Variants in NT5DC3 observed in about 807,000 individuals in gnomAD.
NT5DC3 encodes the protein 5'-nucleotidase domain containing 3, also known as 5'-nucleotidase domain-containing protein 3.
NT5DC3 carries 42 observed loss-of-function variants against 67.8 expected under a neutral mutation model. The ratio of observed to expected loss-of-function variants is 0.62; its 90% CI spans 0.48 to 0.80. The LOEUF is 0.80. Among genes scored for constraint, NT5DC3 ranks in the 30% least tolerant of loss-of-function variants. The pLI is 0.00. For missense variants in NT5DC3, 570 were observed against 696.4 expected (o/e 0.82, Z 2.04); for synonymous variants, 237 against 255.6 (o/e 0.93, Z 0.69).
At chr12:103,770,103 G>A (rs992365716), downstream of NT5DC3, among the ~76,000 whole-genome samples, 1 of 152,146 alleles carries the variant, frequency 6.6e-6, no homozygotes, top group Non-Finnish European at 1.5e-5. Context: ...TAGAAAACAT[G>A]GCCTATCCTC....
chr12:103,780,340 G>A lies in NT5DC3; in HGVS notation c.1354C>T (p.Leu452=), dbSNP rs1344722631. The A allele has an allele frequency of 6.2e-7, 1 of 1,613,964 alleles. No homozygotes were observed. Among genetic ancestry groups the A allele is most frequent in the Non-Finnish European group, 8.5e-7 (1 of 1,179,984 alleles). ...MQVHRDAESQ[L]VLQEWKKERK... ...TCCTTTTTCCACTCCTGCAAAACCAGCTGTGACTCAGCATCTCTGTGAACC... is the reference window on the plus strand; with the variant it reads ...TCCTTTTTCCACTCCTGCAAAACCAACTGTGACTCAGCATCTCTGTGAACC... Residue 452 remains leucine, a synonymous_variant, in exon 13 of 14, where the codon CTG becomes TTG. Transcript: ENST00000392876.
At chr12:103,765,633 G>T (rs1351736346), downstream of NT5DC3, among the ~76,000 whole-genome samples, 1 of 152,112 alleles carries the variant, frequency 6.6e-6, no homozygotes, top group African/African-American at 2.4e-5. Context: ...GCACCATCAG[G>T]GCTCACTGCA....
the NT5DC3 span, chr12:103,746,486 G>A: frequency 1.1e-6 from 1 of 922,862 alleles, no homozygotes; most frequent in South Asian, 1.4e-5. Context: ...GCTGTACAGG[G>A]GCACTTATGA....
intron 2 of NT5DC3, 140 bp downstream of exon 2, chr12:103,814,797 G>T (rs1463024722): frequency 3.4e-6 from 2 of 592,954 alleles, no homozygotes; most frequent in East Asian, 6.0e-5. Context: ...GAGTTACTTG[G>T]AAGGGAACAA....
At chr12:103,838,994 C>T (rs890153714) in intron 1 of NT5DC3, among the ~76,000 whole-genome samples, 1 of 152,066 alleles carries the variant, frequency 6.6e-6, no homozygotes, top group African/African-American at 2.4e-5. Context: ...CTATAAAGAC[C>T]GAATGAGGGA....
chr12:103,831,939 G>C (rs1158104706), intron 1 of NT5DC3, among the ~76,000 whole-genome samples: 1 of 151,828 alleles, frequency 6.6e-6, no homozygotes, highest in Non-Finnish European at 1.5e-5. Context: ...ACCTCGTCCA[G>C]CTAATTTTTG....
At chr12:103,781,196 A>G (rs993890941) in intron 12 of NT5DC3, among the ~76,000 whole-genome samples, 1 of 152,216 alleles carries the variant, frequency 6.6e-6, no homozygotes, top group Non-Finnish European at 1.5e-5. Flanking sequence ...CGCAGGGAAC[A>G]GGCCAGCTCC....
chr12:103,785,216 A>G (rs1279084570), intron 12 of NT5DC3, 119 bp downstream of exon 12: 1 of 911,030 alleles, frequency 1.1e-6, no homozygotes, highest in African/African-American at 1.7e-5. Flanking sequence ...GTTATTCTAC[A>G]GTCTACTGAA....
rs543816905 is a variant in NT5DC3, at chr12:103,834,892, T to TCTTG, written c.208+6053_208+6056dup. Among the ~76,000 whole-genome samples the TCTTG allele has an allele frequency of 4.0e-3, 602 of 152,332 alleles. 1 individual carries two copies. Among genetic ancestry groups the TCTTG allele is most frequent in the Non-Finnish European group, 6.6e-3 (452 of 68,036 alleles). ...GTAAGAAAATAAAATTATTTTGTCC[T>TCTTG]CTTGCAACTGGGGGTGGGGAGATCT... On this transcript the variant is annotated intron_variant, in intron 1 of 13. Coordinates refer to ENST00000392876, the MANE Select transcript of NT5DC3 (RefSeq NM_001031701.3).
rs556580123 is a variant in NT5DC3, at chr12:103,809,058, T to C, written c.394-2129A>G. Among the ~76,000 whole-genome samples the C allele has an allele frequency of 2.0e-5, 3 of 152,334 alleles. No homozygotes were observed. In the South Asian group the frequency reaches 6.2e-4, roughly 32 times the overall value. ...GCTAGATAGTGGTTGAGCCAGTATT[T>C]GAACCCAGGTCTGTGTCACACCCAA... On this transcript the variant is annotated intron_variant, in intron 2 of 13. Transcript: ENST00000392876.
chr12:103,748,097 TG>T, the NT5DC3 span, among the ~76,000 whole-genome samples: 4 of 152,154 alleles, frequency 2.6e-5, no homozygotes, highest in Non-Finnish European at 4.4e-5. Flanking sequence ...ATATTTTTCA[TG>T]GATAAATATT....
chr12:103,806,216 C>A, intron 4 of NT5DC3, 106 bp downstream of exon 4: 1 of 731,896 alleles, frequency 1.4e-6, no homozygotes, highest in Non-Finnish European at 2.5e-6. Context: ...ATGAATGAAT[C>A]ATATTCACAC....
the NT5DC3 span, chr12:103,761,231 C>A: frequency 3.4e-5 from 50 of 1,464,298 alleles, no homozygotes; most frequent in Non-Finnish European, 4.8e-5. Context: ...GAAAATTGAA[C>A]AACTTCCCTC....
the NT5DC3 span, among the ~76,000 whole-genome samples, chr12:103,764,183 C>T: frequency 6.6e-6 from 1 of 152,136 alleles, no homozygotes; most frequent in Non-Finnish European, 1.5e-5. Flanking sequence ...GAACTCCCAA[C>T]CTCAGGTGAT....
At position 103,787,597 on chromosome 12, in the gene NT5DC3, T is replaced by C. The variant is rs1885848194; in HGVS notation, c.1102-70A>G. The C allele has an allele frequency of 6.3e-6, 5 of 789,152 alleles. No individual in the cohort carries two copies. The East Asian group carries it at 8.4e-5, about 13-fold the overall frequency. The allele number at this position is 789,152 out of a possible 1,614,324, so 48.9% of individuals were successfully genotyped here. On this transcript the variant is annotated intron_variant, in intron 10 of 13. Transcript: ENST00000392876. ...TCTGTCTAACCCACAGTACAAAATA[T>C]AAAACTTTTAAAAATTGTTGTTTTT...
chr12:103,800,960 G>A (rs1369588071), intron 4 of NT5DC3, among the ~76,000 whole-genome samples: 1 of 152,076 alleles, frequency 6.6e-6, no homozygotes, highest in Non-Finnish European at 1.5e-5. Context: ...TAGAACAGTT[G>A]GTCTATGTAA....
chr12:103,831,969 G>C (rs999246495), intron 1 of NT5DC3, among the ~76,000 whole-genome samples: 1 of 151,732 alleles, frequency 6.6e-6, no homozygotes, highest in Non-Finnish European at 1.5e-5. Flanking sequence ...TAGAGACAGG[G>C]TTTCACCATG....
At chr12:103,758,568 A>G in the NT5DC3 span, among the ~76,000 whole-genome samples, 1 of 152,160 alleles carries the variant, frequency 6.6e-6, no homozygotes, top group Non-Finnish European at 1.5e-5. Context: ...AGGGAGTGAG[A>G]GAGGCGAGAG....
chr12:103,829,142 T>C (rs781388583), intron 1 of NT5DC3, among the ~76,000 whole-genome samples: 2 of 152,232 alleles, frequency 1.3e-5, no homozygotes, highest in Admixed American at 6.5e-5. Flanking sequence ...ATTATTCTAG[T>C]GAGAGTCACC....
Sources: allele counts gnomAD v4.1 joint callset (sites outside exome capture counted in the v4.1 genomes callset), GRCh38; gene constraint gnomAD v4.1.1; transcripts MANE v1.5; gene names NCBI Gene and HGNC (gene_info 2026-07-23, HGNC 2026-07-21).